The following HCN2 variants were observed in gnomAD, a reference collection of about 807,000 sequenced individuals.
HCN2 encodes hyperpolarization activated cyclic nucleotide gated potassium and sodium channel 2.
HCN2 carries 20 observed loss-of-function variants against 52.3 expected under a neutral mutation model. The observed-to-expected ratio is 0.38, with a 90% CI of 0.27 to 0.56. HCN2 has a LOEUF of 0.56. Among genes scored for constraint, HCN2 ranks in the 20% least tolerant of loss-of-function variants. The probability of loss-of-function intolerance (pLI) is 0.71; values close to 1 mark genes in which losing one functional copy is unlikely to be tolerated. For missense variants in HCN2, 981 were observed against 1,207.7 expected (o/e 0.81, Z 2.78); for synonymous variants, 694 against 537.0 (o/e 1.29, Z -4.04).
chr19:613,611 G>GGAT (rs1393855018), intron 6 of HCN2, 123 bp downstream of exon 6: 1 of 102,880 alleles, frequency 9.7e-6, no homozygotes, highest in Non-Finnish European at 1.6e-5. Flanking sequence ...ATGGGGCCGG[G>GGAT]GATGGGGATG....
chr19:599,538 A>G lies in HCN2; in HGVS notation c.633-4006A>G, dbSNP rs560374528. 5.1e-4 allele frequency among the ~76,000 whole-genome samples: 77 copies of G among 151,898 alleles called. 1 individual carries two copies. In the South Asian group the frequency reaches 8.9e-3, roughly 18 times the overall value. ...CTCACGCCTGTAATCCCAGCACTTT[A>G]GGAGGCCAAGGCGGGCGGATCACGA... is the stretch of plus-strand genomic sequence containing the variant. On this transcript the variant is annotated intron_variant, in intron 1 of 7. Transcript: ENST00000251287.
rs1439977772 is a variant in HCN2, at chr19:617,034, C to G, written c.*560C>G. 12 of 536,160 alleles carry G rather than the reference C, an allele frequency of 2.2e-5. No individual in the cohort carries two copies. Among genetic ancestry groups the G allele is most frequent in the Non-Finnish European group, 3.7e-5 (11 of 294,918 alleles). The allele number at this position is 536,160 out of a possible 1,614,324, so 33.2% of individuals were successfully genotyped here. A position where few individuals can be genotyped will look rare whatever the true frequency, so the allele number is the denominator to read the frequency against. On this transcript the variant is annotated 3_prime_UTR_variant, in exon 8 of 8. Coordinates refer to ENST00000251287, the MANE Select transcript of HCN2 (RefSeq NM_001194.4). ...GGCTGCGCAGGGCGCGGGGGGGAGG[C>G]TGGGGTCCCGCCGCCGTGATGAATG...
At chr19:610,771 G>A (rs1006158306) in intron 5 of HCN2, among the ~76,000 whole-genome samples, 10 of 152,158 alleles carry the variant, frequency 6.6e-5, no homozygotes, top group Admixed American at 2.0e-4. Context: ...GCTCTGTTCC[G>A]GTAGCCTGAG....
At position 616,163 on chromosome 19, in the gene HCN2, C is replaced by T. The variant is rs1375504880; in HGVS notation, c.2359C>T (p.Pro787Ser). 3.1e-6 allele frequency: 3 copies of T among 970,188 alleles called. No individual in the cohort carries two copies. Among genetic ancestry groups the T allele is most frequent in the Non-Finnish European group, 3.7e-6 (3 of 818,912 alleles). The allele number at this position is 970,188 out of a possible 1,614,324, so 60.1% of individuals were successfully genotyped here. Residue 787 changes from proline to serine, a missense_variant, in exon 8 of 8, where the codon CCC becomes TCC. Pro to Ser is a moderately conservative substitution (Grantham distance 74). Transcript: ENST00000251287. ...CAGCCCCCCGGGCGCGCCCGCCAGC[C>T]CCCGGGCACCGCGGACCTCGCCCTA... ...PASPPGAPAS[P>S]RAPRTSPYGG...
rs772145901 is a variant in HCN2, at chr19:603,647, G to A, written c.736G>A (p.Val246Met). ...GGATGAGACCACTGCCCCGTGGATC[G>A]TGTTCAACGTGGTCTCGGACACCTT... ...FKDETTAPWI[V>M]FNVVSDTFFL... The change falls in exon 2 of 8, where the codon GTG becomes ATG. Residue 246 changes from valine (V) to methionine (M), a missense_variant. Val to Met is a conservative substitution (Grantham distance 21). Coordinates refer to ENST00000251287, the MANE Select transcript of HCN2 (RefSeq NM_001194.4). 20 of 1,612,344 alleles carry A rather than the reference G, an allele frequency of 1.2e-5. No individual in the cohort carries two copies. The highest frequency in any genetic ancestry group is 3.3e-5 in the South Asian group (3 of 91,058).
chr19:602,080 T>TGGACGCCCCACTTCCTCCTCTCCTGC (rs1983219923), intron 1 of HCN2, among the ~76,000 whole-genome samples: 1 of 129,346 alleles, frequency 7.7e-6, no homozygotes, highest in African/African-American at 3.2e-5. Context: ...CTCCCTCCTG[T>TGGACGCCCCACTTCCTCCTCTCCTGC]GTGGACGCCC....
At chr19:603,998 G>T in intron 2 of HCN2, 31 bp downstream of exon 2, 2 of 1,472,312 alleles carry the variant, frequency 1.4e-6, no homozygotes, top group Non-Finnish European at 1.8e-6. Flanking sequence ...GGCCAAGGCA[G>T]CAGGGGCGGG....
At chr19:609,545 C>T (rs775307562) in intron 4 of HCN2, among the ~76,000 whole-genome samples, 25 of 152,206 alleles carry the variant, frequency 1.6e-4, no homozygotes, top group Non-Finnish European at 1.3e-4. Flanking sequence ...ACAGGCCGAT[C>T]GCCTGAGGTC....
intron 2 of HCN2, among the ~76,000 whole-genome samples, 182 bp downstream of exon 2, chr19:604,149 G>A (rs1055501283): frequency 1.2e-5 from 1 of 83,226 alleles, no homozygotes; most frequent in East Asian, 4.5e-4. Context: ...GGGAGATCTG[G>A]GTGGGGTCAA....
At chr19:610,560 G>A (rs922293387) in intron 5 of HCN2, among the ~76,000 whole-genome samples, 155 bp downstream of exon 5, 16 of 152,100 alleles carry the variant, frequency 1.1e-4, no homozygotes, top group African/African-American at 3.4e-4. Flanking sequence ...TCCCCTCCCC[G>A]CCCCGTGAGC....
chr19:592,347 G>C lies in HCN2; in HGVS notation c.632+1770G>C, dbSNP rs1337952004. 6.6e-6 allele frequency among the ~76,000 whole-genome samples: 1 copy of C among 152,250 alleles called. No individual in the cohort carries two copies. Among genetic ancestry groups the C allele is most frequent in the Non-Finnish European group, 1.5e-5 (1 of 68,042 alleles). The stretch of plus-strand genomic sequence containing the variant: ...CAGCTCCAGCGACCCCCTGGCTGCA[G>C]AGGGGCGGTCGGTGGCCTGGGGGGC... On this transcript the variant is annotated intron_variant, in intron 1 of 7. Transcript: ENST00000251287. The surrounding 1 kb of genome is among the most constrained non-coding windows in gnomAD (Gnocchi z 4.8).
chr19:616,112 G>A lies in HCN2; in HGVS notation c.2308G>A (p.Ala770Thr). 7.5e-6 allele frequency: 5 copies of A among 669,992 alleles called. No homozygotes were observed. Among genetic ancestry groups the A allele is most frequent in the Non-Finnish European group, 9.0e-6 (5 of 556,486 alleles). The allele number at this position is 669,992 out of a possible 1,614,324, so 41.5% of individuals were successfully genotyped here. Reference protein sequence around the residue: ...RPPPGPAPAAASPGPPPPASP... With the variant: ...RPPPGPAPAATSPGPPPPASP... The stretch of plus-strand genomic sequence containing the variant: ...GCCCCCGGGGCCCGCACCTGCCGCC[G>A]CCTCACCCGGGCCCCCGCCCCCCGC... The change falls in exon 8 of 8, where the codon GCC becomes ACC. Residue 770 changes from alanine (A) to threonine (T), a missense_variant. Transcript: ENST00000251287.
At chr19:603,017 C>CCATAGG (rs1568363722) in intron 1 of HCN2, among the ~76,000 whole-genome samples, 17 of 105,432 alleles carry the variant, frequency 1.6e-4, no homozygotes, top group South Asian at 4.1e-4. Flanking sequence ...GGGGCTGGTC[C>CCATAGG]TGCAGGCGCC....
chr19:590,342 G>T lies in HCN2; in HGVS notation c.397G>T (p.Gly133Trp). The T allele has an allele frequency of 9.3e-7, 1 of 1,071,026 alleles. No individual in the cohort carries two copies. The highest frequency in any genetic ancestry group is 1.7e-5 in the African/African-American group (1 of 58,554). 66.3% of individuals were successfully genotyped at this position (1,071,026 alleles called of 1,614,324 possible). A position where few individuals can be genotyped will look rare whatever the true frequency, so the allele number is the denominator to read the frequency against. ...GTTCTCGTGCCGCGGGGCGGCCTCG[G>T]GGCCCGCGCCGGGGCCGGGGCCGGC... Reference protein sequence around the residue: ...VSFSCRGAASGPAPGPGPAEE... With the variant: ...VSFSCRGAASWPAPGPGPAEE... The change falls in exon 1 of 8, where the codon GGG (glycine) becomes TGG (tryptophan). Residue 133 changes from glycine (G) to tryptophan (W), a missense_variant. Gly to Trp is a radical substitution (Grantham distance 184). Coordinates refer to ENST00000251287, the MANE Select transcript of HCN2 (RefSeq NM_001194.4). The surrounding 1 kb of genome is among the most constrained non-coding windows in gnomAD (Gnocchi z 7.2).
intron 5 of HCN2, 127 bp from the exon 6 acceptor site, chr19:613,121 T>C (rs1465298969): frequency 3.1e-6 from 4 of 1,292,906 alleles, no homozygotes; most frequent in Non-Finnish European, 1.0e-6. Context: ...CGGTTCCGGC[T>C]ACGGGGCTGA....
rs761089539 is a variant in HCN2, at chr19:608,189, G to A, written c.1437+7G>A. 2 of 1,611,714 alleles carry A rather than the reference G, an allele frequency of 1.2e-6. No homozygotes were observed. Among genetic ancestry groups the A allele is most frequent in the Non-Finnish European group, 1.7e-6 (2 of 1,179,558 alleles). On this transcript the variant is annotated splice_region_variant and intron_variant, in intron 4 of 7. Transcript: ENST00000251287. ...GCGCCAGTACCAGGAGAAGGTCTGA[G>A]GGAGGCGGGCCCCGGCCTGGGTTCT... is the stretch of plus-strand genomic sequence containing the variant.
At chr19:607,136 A>G (rs1235855245) in intron 3 of HCN2, among the ~76,000 whole-genome samples, 1 of 152,132 alleles carries the variant, frequency 6.6e-6, no homozygotes, top group Admixed American at 6.5e-5. Context: ...GTGCCACTGC[A>G]CTCCAGCCTG....
intron 1 of HCN2, among the ~76,000 whole-genome samples, chr19:596,275 C>T (rs576088400): frequency 5.9e-5 from 9 of 152,330 alleles, no homozygotes; most frequent in Admixed American, 4.6e-4. Context: ...GTGTCAGAGC[C>T]GAGAGAGAGG....
At chr19:614,617 G>A (rs1281644033) in intron 7 of HCN2, among the ~76,000 whole-genome samples, 3 of 152,146 alleles carry the variant, frequency 2.0e-5, no homozygotes, top group Admixed American at 6.5e-5. Context: ...AGTCCAGAGA[G>A]CCAGGGAGGC....
Sources: allele counts gnomAD v4.1 joint callset (sites outside exome capture counted in the v4.1 genomes callset), GRCh38; gene constraint gnomAD v4.1.1; non-coding constraint Gnocchi (gnomAD v3.1); transcripts MANE v1.5; gene names NCBI Gene and HGNC (gene_info 2026-07-23, HGNC 2026-07-21).